The following MORC1 variants were observed in gnomAD, a reference collection of about 807,000 sequenced individuals.
The protein encoded by MORC1 is MORC family CW-type zinc finger 1, also known as MORC family CW-type zinc finger protein 1.
Under a neutral mutation model 134.9 loss-of-function variants are expected in MORC1, and 59 were observed. The observed-to-expected ratio is 0.44, with a 90% CI of 0.35 to 0.54. The LOEUF (loss-of-function observed/expected upper bound fraction) is 0.54. Among genes scored for constraint, MORC1 ranks in the 20% least tolerant of loss-of-function variants. The pLI is 0.00. For synonymous variants in MORC1, 395 were observed against 391.7 expected (o/e 1.01, Z -0.10); for missense variants, 947 against 1,134.5 (o/e 0.83, Z 2.37).
Position 109,106,149 on chromosome 3 carries a change from G to A in MORC1, c.155-2232C>T, listed in dbSNP as rs117021455. 2.9e-4 allele frequency among the ~76,000 whole-genome samples: 44 copies of A among 152,258 alleles called. 2 individuals carry two copies. The East Asian group carries it at 7.9e-3, about 27-fold the overall frequency. On this transcript the variant is annotated intron_variant, in intron 3 of 27. Transcript: ENST00000232603. Reference sequence around the variant, plus strand: ...AGGGTTCAGAAATTGGTATTTTCTCGTAAAATTTCCCTCAGTTATTCTAAT... The same window carrying A: ...AGGGTTCAGAAATTGGTATTTTCTCATAAAATTTCCCTCAGTTATTCTAAT...
intron 8 of MORC1, among the ~76,000 whole-genome samples, chr3:109,082,099 A>C (rs996409321): frequency 2.6e-5 from 4 of 152,136 alleles, no homozygotes; most frequent in Non-Finnish European, 5.9e-5. Flanking sequence ...ACAAACCCCC[A>C]GCCAACCTTC....
chr3:109,036,213 C>A (rs945167889), intron 14 of MORC1, among the ~76,000 whole-genome samples: 9 of 151,970 alleles, frequency 5.9e-5, no homozygotes, highest in African/African-American at 1.9e-4. Flanking sequence ...ACCTTTAAAA[C>A]GGAGGAAGTA....
intron 26 of MORC1, among the ~76,000 whole-genome samples, chr3:108,966,759 G>GACCAAGCTCAAT (rs1947230472): frequency 6.6e-6 from 1 of 152,092 alleles, no homozygotes; most frequent in Non-Finnish European, 1.5e-5. Flanking sequence ...ACTGTGTATT[G>GACCAAGCTCAAT]GGAGAGTCGA....
chr3:109,034,526 C>A (rs1379843198), intron 15 of MORC1, among the ~76,000 whole-genome samples: 1 of 152,140 alleles, frequency 6.6e-6, no homozygotes, highest in Admixed American at 6.6e-5. Flanking sequence ...ATCTCTAACA[C>A]CTTTACCCAA....
chr3:108,987,086 AT>A (rs761164037), intron 21 of MORC1, 137 bp from the exon 22 acceptor site: 110 of 523,538 alleles, frequency 2.1e-4, no homozygotes, highest in Middle Eastern at 3.4e-4. Context: ...TGCACTTTTT[AT>A]AAAGGGAACA....
intron 8 of MORC1, among the ~76,000 whole-genome samples, chr3:109,076,834 G>A (rs766172749): frequency 3.3e-5 from 5 of 152,078 alleles, no homozygotes; most frequent in African/African-American, 7.2e-5. Flanking sequence ...GCGGGGGATC[G>A]GGGACTAGGG....
chr3:109,091,686 A>G (rs1048465052), intron 8 of MORC1, among the ~76,000 whole-genome samples: 6 of 152,134 alleles, frequency 3.9e-5, no homozygotes, highest in African/African-American at 1.4e-4. Context: ...TCGCGTCCTC[A>G]GTTCAGAAAC....
intron 2 of MORC1, among the ~76,000 whole-genome samples, chr3:109,111,241 T>TA (rs1951163469): frequency 6.6e-6 from 1 of 152,128 alleles, no homozygotes; most frequent in East Asian, 1.9e-4. Context: ...TTCTCTTTGT[T>TA]AGAGGTTGGA....
At chr3:109,046,691 T>C (rs947204309) in intron 14 of MORC1, among the ~76,000 whole-genome samples, 7 of 152,254 alleles carry the variant, frequency 4.6e-5, no homozygotes, top group Non-Finnish European at 1.0e-4. Context: ...ATTTTATTTT[T>C]AATGGATTAG....
chr3:108,968,043 G>T (rs993729390), intron 26 of MORC1, among the ~76,000 whole-genome samples: 1 of 152,120 alleles, frequency 6.6e-6, no homozygotes, highest in African/African-American at 2.4e-5. Context: ...ATATAGAAAA[G>T]ACCTAGTTCA....
At chr3:108,997,907 TTTA>T (rs1338585859) in intron 21 of MORC1, among the ~76,000 whole-genome samples, 3 of 152,174 alleles carry the variant, frequency 2.0e-5, no homozygotes, top group African/African-American at 7.2e-5. Flanking sequence ...ATTTATTGAT[TTTA>T]TTAACATAGC....
rs1269587341 is a variant in MORC1, at chr3:108,989,315, A to G, written c.2188-2366T>C. Among the ~76,000 whole-genome samples the G allele has an allele frequency of 1.3e-5, 2 of 152,198 alleles. 1 individual carries two copies. Among genetic ancestry groups the G allele is most frequent in the South Asian group, 4.1e-4 (2 of 4,830 alleles). ...AATCTCTTGCCTGAGATTTTTACCT[A>G]TATCATGAAATAGACAACACCTCAT... On this transcript the variant is annotated intron_variant, in intron 21 of 27. Coordinates refer to ENST00000232603, the MANE Select transcript of MORC1 (RefSeq NM_014429.4).
intron 3 of MORC1, among the ~76,000 whole-genome samples, chr3:109,108,432 G>A (rs1451922063): frequency 2.0e-5 from 3 of 151,826 alleles, no homozygotes; most frequent in African/African-American, 7.3e-5. Flanking sequence ...TGAATGAAAG[G>A]CAGCTTACAT....
In MORC1 at chr3:109,035,443, G is replaced by T; in HGVS notation, c.1356C>A (p.Cys452Ter). ...GINNRNLTLF[C>*]NEFGYQNDID... Reference sequence around the variant, plus strand: ...TGTCATTCTGGTATCCAAATTCATTGCAAAACAATGTTAAATTTCTATTAT... The same window carrying T: ...TGTCATTCTGGTATCCAAATTCATTTCAAAACAATGTTAAATTTCTATTAT... The change falls in exon 15 of 28, where the codon TGC (cysteine) becomes TGA (stop). Residue 452 changes from cysteine (C) to a stop codon, truncating the protein, a stop_gained. Transcript: ENST00000232603. LOFTEE classifies it high-confidence loss of function. 1 of 1,493,310 alleles carries T rather than the reference G, an allele frequency of 6.7e-7. No homozygotes were observed. Among genetic ancestry groups the T allele is most frequent in the Non-Finnish European group, 9.1e-7 (1 of 1,098,358 alleles). The allele number at this position is 1,493,310 out of a possible 1,614,324, so 92.5% of individuals were successfully genotyped here.
At chr3:109,073,416 A>T (rs61197799) in intron 8 of MORC1, among the ~76,000 whole-genome samples, 124,000 of 151,684 alleles carry the variant, frequency 0.82, 51,000 homozygotes, top group East Asian at 0.93. Context: ...TGCCACTTTG[A>T]TTGGACACCA....
At position 108,986,950 on chromosome 3, in the gene MORC1, C is replaced by T; in HGVS notation, c.2188-1G>A. ...CATCAGTGTTGCTTTTATCTGAAACCTGAAAAACAAGCTCTTTATTTAAAA... is the reference window on the plus strand; with the variant it reads ...CATCAGTGTTGCTTTTATCTGAAACTTGAAAAACAAGCTCTTTATTTAAAA... On this transcript the variant is annotated splice_acceptor_variant, in intron 21 of 27. Coordinates refer to ENST00000232603, the MANE Select transcript of MORC1 (RefSeq NM_014429.4). LOFTEE classifies it high-confidence loss of function. 6.4e-7 allele frequency: 1 copy of T among 1,554,540 alleles called. No homozygotes were observed. Among genetic ancestry groups the T allele is most frequent in the South Asian group, 1.3e-5 (1 of 79,104 alleles).
At chr3:109,116,424 G>C (rs897902357) in intron 1 of MORC1, among the ~76,000 whole-genome samples, 1 of 152,114 alleles carries the variant, frequency 6.6e-6, no homozygotes, top group Non-Finnish European at 1.5e-5. Flanking sequence ...TGGACATAGA[G>C]GTAAAGGGAG....
chr3:109,000,127 G>A (rs1175956154), intron 21 of MORC1, among the ~76,000 whole-genome samples: 1 of 152,122 alleles, frequency 6.6e-6, no homozygotes, highest in Admixed American at 6.5e-5. Context: ...AATAATCCTT[G>A]AATACACTTT....
intron 14 of MORC1, among the ~76,000 whole-genome samples, chr3:109,043,083 T>A (rs984203472): frequency 2.0e-5 from 3 of 148,748 alleles, no homozygotes; most frequent in African/African-American, 7.4e-5. Context: ...TGAAGAGAAA[T>A]GTGTATACCC....
Sources: gnomAD v4.1 joint callset for allele counts (sites outside exome capture counted in the v4.1 genomes callset) on GRCh38, gnomAD v4.1.1 for gene constraint, MANE v1.5 for transcripts, NCBI Gene and HGNC (gene_info 2026-07-23, HGNC 2026-07-21) for gene names.